Variants in UBE2N observed in about 807,000 individuals in gnomAD.
UBE2N encodes the protein ubiquitin-conjugating enzyme E2 N.
For missense variants in UBE2N, 60 were observed against 192.1 expected (o/e 0.31, Z 4.07); for synonymous variants, 70 against 69.2 (o/e 1.01, Z -0.06).
At chr12:93,414,791 CCTGG>C (rs1315601837) in intron 1 of UBE2N, among the ~76,000 whole-genome samples, 3 of 152,192 alleles carry the variant, frequency 2.0e-5, no homozygotes, top group Non-Finnish European at 4.4e-5. Flanking sequence ...ATCCCCACTC[CCTGG>C]CTTTATCTCC....
At chr12:93,418,368 A>G (rs1221394855) in intron 1 of UBE2N, among the ~76,000 whole-genome samples, 1 of 151,978 alleles carries the variant, frequency 6.6e-6, no homozygotes, top group South Asian at 2.1e-4. Context: ...TCTCTTAAAA[A>G]CAAAACAAAA....
chr12:93,410,446 T>C (rs1402122143), intron 3 of UBE2N: 2 of 526,728 alleles, frequency 3.8e-6, no homozygotes, highest in Non-Finnish European at 6.6e-6. Context: ...CAGTTCAAGT[T>C]TTCCAGTATT....
chr12:93,422,028 T>C (rs552733829), intron 1 of UBE2N, among the ~76,000 whole-genome samples: 1 of 152,336 alleles, frequency 6.6e-6, no homozygotes, highest in Non-Finnish European at 1.5e-5. Flanking sequence ...ATTATGTTCT[T>C]GTTTATTTCT....
intron 1 of UBE2N, among the ~76,000 whole-genome samples, chr12:93,414,099 T>A (rs1232485366): frequency 1.3e-5 from 2 of 150,992 alleles, no homozygotes; most frequent in African/African-American, 4.9e-5. Context: ...AGGCGGAGGT[T>A]GCAGTGAGCT....
At chr12:93,433,708 T>C (rs1002825820) in intron 1 of UBE2N, among the ~76,000 whole-genome samples, 1 of 152,230 alleles carries the variant, frequency 6.6e-6, no homozygotes, top group African/African-American at 2.4e-5. Flanking sequence ...ATAATTGTAA[T>C]GTCAAAAGCC....
At chr12:93,418,232 ATATGAC>A (rs1335769995) in intron 1 of UBE2N, among the ~76,000 whole-genome samples, 1 of 152,190 alleles carries the variant, frequency 6.6e-6, no homozygotes, top group Non-Finnish European at 1.5e-5. Flanking sequence ...GCATGCTGGC[ATATGAC>A]TATAGTCCTA....
chr12:93,430,867 T>C (rs1878744419), intron 1 of UBE2N, among the ~76,000 whole-genome samples: 1 of 150,300 alleles, frequency 6.7e-6, no homozygotes, highest in Non-Finnish European at 1.5e-5. Flanking sequence ...TGATCCCAGC[T>C]ACTCGGGATG....
At chr12:93,425,527 A>T (rs1404344263) in intron 1 of UBE2N, among the ~76,000 whole-genome samples, 3 of 152,200 alleles carry the variant, frequency 2.0e-5, no homozygotes, top group Admixed American at 1.3e-4. Context: ...TTGCAGACCC[A>T]ATGTTGGACA....
intron 1 of UBE2N, among the ~76,000 whole-genome samples, chr12:93,416,097 C>T (rs1825014347): frequency 1.3e-5 from 2 of 152,160 alleles, no homozygotes; most frequent in Non-Finnish European, 2.9e-5. Flanking sequence ...CTCTCAAGTT[C>T]TAATGGACTG....
chr12:93,406,729 A>G lies in UBE2N; in HGVS notation c.*3310T>C, dbSNP rs1165228655. The G allele has an allele frequency of 2.0e-5, 3 of 152,234 alleles. No individual in the cohort carries two copies. The highest frequency in any genetic ancestry group is 2.1e-4 in the South Asian group (1 of 4,830). The allele number at this position is 152,234 out of a possible 1,614,324, so 9.4% of individuals were successfully genotyped here. ...TATTATAAGTAATCTAAATATTAAC[A>G]TAAGCGGGAGGATTTGTGTAGATTG... On this transcript the variant is annotated 3_prime_UTR_variant, in exon 4 of 4. Coordinates refer to ENST00000318066, the MANE Select transcript of UBE2N (RefSeq NM_003348.4).
Position 93,430,766 on chromosome 12 carries a change from A to ATG in UBE2N, c.30+11087_30+11088dup, listed in dbSNP as rs1489224975. On this transcript the variant is annotated intron_variant, in intron 1 of 3. Transcript: ENST00000318066. ...TGTCTCTATGTAATATATATTATAT[A>ATG]TGTATATATATTTTATATTGTACAT... Among the ~76,000 whole-genome samples the ATG allele has an allele frequency of 6.8e-5, 10 of 148,126 alleles. No individual in the cohort carries two copies. The East Asian group carries it at 1.9e-3, about 29-fold the overall frequency.
In UBE2N at chr12:93,429,404, TTAAA is replaced by T. The variant is rs1160748799; in HGVS notation, c.30+12447_30+12450del. Reference sequence around the variant, plus strand: ...AAAATTAGTCTGATTCAGTGGTACTTTAAATACAGTCATGCGCTGTATGAGTTTC... The same window carrying T: ...AAAATTAGTCTGATTCAGTGGTACTTTACAGTCATGCGCTGTATGAGTTTC... On this transcript the variant is annotated intron_variant, in intron 1 of 3. Transcript: ENST00000318066. 10 of 380,866 alleles carry T rather than the reference TTAAA, an allele frequency of 2.6e-5. No individual in the cohort carries two copies. In the East Asian group the frequency reaches 5.3e-4, roughly 20 times the overall value. The allele number at this position is 380,866 out of a possible 1,614,324, so 23.6% of individuals were successfully genotyped here.
chr12:93,433,563 C>T (rs990296824), intron 1 of UBE2N, among the ~76,000 whole-genome samples: 17 of 152,168 alleles, frequency 1.1e-4, no homozygotes, highest in Admixed American at 9.2e-4. Flanking sequence ...ACTCGTTTTT[C>T]GCATACACAC....
At chr12:93,429,269 C>CAAA in intron 1 of UBE2N, 19 of 296,162 alleles carry the variant, frequency 6.4e-5, no homozygotes, top group Admixed American at 1.5e-4. Flanking sequence ...GACTCTGTCT[C>CAAA]AAAAAAAAAA....
At chr12:93,422,365 T>C (rs1565794717) in intron 1 of UBE2N, among the ~76,000 whole-genome samples, 2 of 152,220 alleles carry the variant, frequency 1.3e-5, no homozygotes, top group East Asian at 1.9e-4. Context: ...AATGTAGCTG[T>C]CTATCTTAAT....
chr12:93,409,582 A>G lies in UBE2N; in HGVS notation c.*457T>C, dbSNP rs531682798. 564 of 169,100 alleles carry G rather than the reference A, an allele frequency of 3.3e-3. 2 individuals carry two copies. The highest frequency in any genetic ancestry group is 5.4e-3 in the Non-Finnish European group (377 of 69,612). 10.5% of individuals were successfully genotyped at this position (169,100 alleles called of 1,614,324 possible). On this transcript the variant is annotated 3_prime_UTR_variant, in exon 4 of 4. Transcript: ENST00000318066. The stretch of plus-strand genomic sequence containing the variant: ...GTTAGACTTGGCTAGAGCATATTCT[A>G]AAGACCTGGTTAGCTGCTTTTAACC...
At chr12:93,423,776 T>C (rs530453341) in intron 1 of UBE2N, among the ~76,000 whole-genome samples, 55 of 152,230 alleles carry the variant, frequency 3.6e-4, no homozygotes, top group Non-Finnish European at 7.8e-4. Flanking sequence ...TATTGCTATA[T>C]GCTTCTTTCT....
At chr12:93,411,768 C>T (rs889958414) in intron 1 of UBE2N, among the ~76,000 whole-genome samples, 4 of 152,124 alleles carry the variant, frequency 2.6e-5, no homozygotes, top group African/African-American at 9.7e-5. Context: ...TCTTGGCTCA[C>T]TGCAGCCTCG....
At chr12:93,428,803 C>T (rs991398321) in intron 1 of UBE2N, among the ~76,000 whole-genome samples, 1 of 152,198 alleles carries the variant, frequency 6.6e-6, no homozygotes, top group African/African-American at 2.4e-5. Context: ...GGCATCCTTG[C>T]CAATACATCA....
Sources: gnomAD v4.1 joint callset for allele counts (sites outside exome capture counted in the v4.1 genomes callset) on GRCh38, gnomAD v4.1.1 for gene constraint, MANE v1.5 for transcripts, NCBI Gene and HGNC (gene_info 2026-07-23, HGNC 2026-07-21) for gene names.